Variants in LIG3 observed in about 807,000 individuals in gnomAD.
LIG3 encodes DNA ligase 3, also known as ligase II, DNA, ATP-dependent.
Under a neutral mutation model 110.9 loss-of-function variants are expected in LIG3, and 58 were observed. The ratio of observed to expected loss-of-function variants is 0.52; its 90% CI spans 0.42 to 0.65. LIG3 has a LOEUF of 0.65. LIG3 is among the 30% of genes least tolerant of loss of function. LIG3 has a pLI of 0.00. For synonymous variants in LIG3, 422 were observed against 472.8 expected, an observed-to-expected ratio of 0.89 and a Z score of 1.39; for missense variants, 1,094 against 1,273.8, an observed-to-expected ratio of 0.86 and a Z score of 2.15.
Position 35,001,197 on chromosome 17 carries a change from C to T in LIG3, c.2332-60C>T, listed in dbSNP as rs548830197. 117 of 1,572,690 alleles carry T rather than the reference C, an allele frequency of 7.4e-5. No individual in the cohort carries two copies. The East Asian group carries it at 7.9e-4, about 11-fold the overall frequency. On this transcript the variant is annotated intron_variant, in intron 16 of 19. Coordinates refer to ENST00000378526, the MANE Select transcript of LIG3 (RefSeq NM_013975.4). Reference sequence around the variant, plus strand: ...CTGGGATTACAGGCTTGAGCCACCACGCCCGGCCACTGATACTATCTTCTT... The same window carrying T: ...CTGGGATTACAGGCTTGAGCCACCATGCCCGGCCACTGATACTATCTTCTT...
chr17:35,000,307 G>A (rs1312358873), intron 16 of LIG3, among the ~76,000 whole-genome samples: 1 of 152,252 alleles, frequency 6.6e-6, no homozygotes, highest in African/African-American at 2.4e-5. Context: ...TGCCCAGGCT[G>A]GAGTGCAATA....
At chr17:34,980,657 G>C in intron 1 of LIG3, 35 bp downstream of exon 1, 1 of 1,156,050 alleles carries the variant, frequency 8.7e-7, no homozygotes, top group South Asian at 1.5e-5. Context: ...GGCGCGGCGG[G>C]GCCCGGCGTG....
At chr17:34,996,485 A>G in intron 10 of LIG3, 89 bp from the exon 11 acceptor site, 1 of 1,057,054 alleles carries the variant, frequency 9.5e-7, no homozygotes, top group Non-Finnish European at 1.5e-6. Flanking sequence ...CCGGTGCCTC[A>G]GGGGGCCTCC....
Position 34,990,959 on chromosome 17 carries a change from C to T in LIG3, c.890-4C>T. ...TTCTCAAGAAGGGTTCCTTCTGTCTCCAGATGGTTTCCACGGTGATGTGTA... is the reference window on the plus strand; with the variant it reads ...TTCTCAAGAAGGGTTCCTTCTGTCTTCAGATGGTTTCCACGGTGATGTGTA... On this transcript the variant is annotated splice_polypyrimidine_tract_variant and splice_region_variant and intron_variant, in intron 4 of 19. Transcript: ENST00000378526. 1 of 1,613,558 alleles carries T rather than the reference C, an allele frequency of 6.2e-7. No individual in the cohort carries two copies. Among genetic ancestry groups the T allele is most frequent in the Non-Finnish European group, 8.5e-7 (1 of 1,179,652 alleles).
In LIG3 at chr17:35,004,591, G is replaced by A. The variant is rs1401345576; in HGVS notation, c.*85G>A. The A allele has an allele frequency of 1.0e-4, 117 of 1,131,078 alleles. No individual in the cohort carries two copies. The highest frequency in any genetic ancestry group is 1.4e-4 in the Non-Finnish European group (110 of 767,340). 70.1% of individuals were successfully genotyped at this position (1,131,078 alleles called of 1,614,324 possible). On this transcript the variant is annotated 3_prime_UTR_variant, in exon 20 of 20. Transcript: ENST00000378526. ...CTCAGGCTGGAGGCAGATAGACACA[G>A]TATAGGGGGAATGGGCTTGCTTCTC... is the stretch of plus-strand genomic sequence containing the variant.
chr17:34,996,447 C>A, intron 10 of LIG3, 127 bp from the exon 11 acceptor site: 1 of 862,790 alleles, frequency 1.2e-6, no homozygotes, highest in Non-Finnish European at 1.9e-6. Context: ...GGCCCAGGGG[C>A]TTCAGAGCAG....
At chr17:34,995,785 T>A (rs890157550) in intron 9 of LIG3, among the ~76,000 whole-genome samples, 26 of 152,236 alleles carry the variant, frequency 1.7e-4, no homozygotes, top group African/African-American at 5.8e-4. Flanking sequence ...TTAATCTGTT[T>A]CTTCCATTTT....
chr17:34,993,827 C>A (rs2090750774), intron 8 of LIG3, among the ~76,000 whole-genome samples: 1 of 152,062 alleles, frequency 6.6e-6, no homozygotes, highest in African/African-American at 2.4e-5. Context: ...ATCTGGAAAC[C>A]CTGTTTGTTG....
chr17:34,980,752 C>T (rs893786202), intron 1 of LIG3, 130 bp downstream of exon 1: 2 of 351,266 alleles, frequency 5.7e-6, no homozygotes, highest in African/African-American at 2.2e-5. Context: ...CTGCGGAGCC[C>T]CGGGGCACAC....
chr17:34,999,747 G>T, intron 15 of LIG3, 35 bp from the exon 16 acceptor site: 1 of 1,564,042 alleles, frequency 6.4e-7, no homozygotes, highest in South Asian at 1.1e-5. Flanking sequence ...GTTCCAGGTT[G>T]GGAACAGCCC....
chr17:34,985,865 T>G, intron 2 of LIG3, 123 bp from the exon 3 acceptor site: 1 of 920,334 alleles, frequency 1.1e-6, no homozygotes, highest in South Asian at 1.7e-5. Flanking sequence ...CAGCCAGCCT[T>G]GGGCTAGTGC....
downstream of LIG3, chr17:35,010,332 G>A (rs149699275): frequency 6.6e-6 from 1 of 152,242 alleles, no homozygotes; most frequent in Non-Finnish European, 1.5e-5. Context: ...TCCTGATCAT[G>A]TGTTTTGTGC....
intron 1 of LIG3, among the ~76,000 whole-genome samples, chr17:34,982,229 A>T (rs989432973): frequency 1.3e-5 from 2 of 152,208 alleles, no homozygotes; most frequent in Non-Finnish European, 2.9e-5. Flanking sequence ...GTTGTCTCTC[A>T]ATATAGGGAT....
In LIG3 at chr17:34,980,561, G is replaced by A. The variant is rs777321350; in HGVS notation, c.-66G>A. 3.1e-6 allele frequency: 4 copies of A among 1,287,566 alleles called. No individual in the cohort carries two copies. Among genetic ancestry groups the A allele is most frequent in the Non-Finnish European group, 4.0e-6 (4 of 987,820 alleles). The allele number at this position is 1,287,566 out of a possible 1,614,324, so 79.8% of individuals were successfully genotyped here. ...ACAGGCGCTCCAACCGTCGTGGGCT[G>A]CCCGCGGCCTGTAATGAGCAAGTTC... On this transcript the variant is annotated 5_prime_UTR_variant, in exon 1 of 20. Coordinates refer to ENST00000378526, the MANE Select transcript of LIG3 (RefSeq NM_013975.4).
chr17:34,992,052 C>G lies in LIG3; in HGVS notation c.1286+17C>G, dbSNP rs549625008. The G allele has an allele frequency of 6.2e-7, 1 of 1,605,836 alleles. No individual in the cohort carries two copies. The highest frequency in any genetic ancestry group is 1.1e-5 in the South Asian group (1 of 90,904). On this transcript the variant is annotated intron_variant, in intron 7 of 19. Transcript: ENST00000378526. Reference sequence around the variant, plus strand: ...AAAACATGTGTAAGTAGCAGCTCCGCTGACAGCCTGAGCTGTCATTTGTTA... The same window carrying G: ...AAAACATGTGTAAGTAGCAGCTCCGGTGACAGCCTGAGCTGTCATTTGTTA...
intron 13 of LIG3, 46 bp downstream of exon 13, chr17:34,998,342 C>G: frequency 6.5e-7 from 1 of 1,535,138 alleles, no homozygotes; most frequent in Non-Finnish European, 8.9e-7. Flanking sequence ...ACTCGCAGCC[C>G]TCTCCCCTGA....
chr17:34,994,374 G>C lies in LIG3; in HGVS notation c.1554G>C (p.Lys518Asn). The C allele has an allele frequency of 6.2e-7, 1 of 1,614,166 alleles. No individual in the cohort carries two copies. The highest frequency in any genetic ancestry group is 8.5e-7 in the Non-Finnish European group (1 of 1,180,008). The change falls in exon 9 of 20, where the codon AAG (lysine) becomes AAC (asparagine). Residue 518 changes from lysine to asparagine, a missense_variant. Physicochemically the swap from Lys to Asn is moderately conservative, Grantham distance 94. Transcript: ENST00000378526. ...ATGGAGAGCGAGTCCAGGTGCATAA[G>C]AATGGAGACCACTTCAGCTACTTCA... ...KYDGERVQVH[K>N]NGDHFSYFSR...
rs2090920228 is a variant in LIG3 at position 35,009,362 on chromosome 17, T to G, written c.*4856T>G. The G allele has an allele frequency of 6.6e-6, 1 of 152,238 alleles. No individual in the cohort carries two copies. Among genetic ancestry groups the G allele is most frequent in the Admixed American group, 6.5e-5 (1 of 15,286 alleles). 9.4% of individuals were successfully genotyped at this position (152,238 alleles called of 1,614,324 possible). Reference sequence around the variant, plus strand: ...ATGTATTATGAACCAGTCAGCTATCTGTCTTTTGAAACAAGTCTTAACTGA... The same window carrying G: ...ATGTATTATGAACCAGTCAGCTATCGGTCTTTTGAAACAAGTCTTAACTGA... On this transcript the variant is annotated 3_prime_UTR_variant, in exon 20 of 20. Transcript: ENST00000378526.
At chr17:34,997,678 A>C (rs1377260026) in intron 11 of LIG3, 60 bp from the exon 12 acceptor site, 2 of 1,250,988 alleles carry the variant, frequency 1.6e-6, no homozygotes, top group East Asian at 2.3e-5. Context: ...TTCCTTCCTC[A>C]GAATTCCTAA....
Sources: allele counts gnomAD v4.1 joint callset (sites outside exome capture counted in the v4.1 genomes callset), GRCh38; gene constraint gnomAD v4.1.1; transcripts MANE v1.5; gene names NCBI Gene and HGNC (gene_info 2026-07-23, HGNC 2026-07-21).